ZCCHC7: variants seen among roughly 807,000 people sequenced by gnomAD.
ZCCHC7 encodes the protein zinc finger CCHC-type containing 7, also known as zinc finger CCHC domain-containing protein 7.
ZCCHC7 carries 35 observed loss-of-function variants against 52.0 expected under a neutral mutation model. That is an observed-to-expected ratio of 0.67 (90% CI 0.51 to 0.89). The LOEUF (loss-of-function observed/expected upper bound fraction) is 0.89, where lower values mean the gene tolerates loss of function less well. Among genes scored for constraint, ZCCHC7 ranks in the 40% least tolerant of loss-of-function variants. The pLI is 0.00. For missense variants in ZCCHC7, 574 were observed against 649.1 expected (o/e 0.88, Z 1.26); for synonymous variants, 217 against 221.5 (o/e 0.98, Z 0.18).
intron 2 of ZCCHC7, among the ~76,000 whole-genome samples, chr9:37,234,900 C>G (rs1053371226): frequency 9.9e-5 from 15 of 152,078 alleles, no homozygotes; most frequent in Non-Finnish European, 1.5e-4. Flanking sequence ...GTCATTTAAT[C>G]TTTTCTCAAG....
intron 2 of ZCCHC7, among the ~76,000 whole-genome samples, chr9:37,226,368 A>G (rs1252578920): frequency 1.3e-5 from 2 of 152,196 alleles, no homozygotes; most frequent in Non-Finnish European, 2.9e-5. Context: ...AGATGTATCT[A>G]TTTATTCAGT....
intron 2 of ZCCHC7, among the ~76,000 whole-genome samples, chr9:37,242,385 A>G (rs1340963536): frequency 6.6e-6 from 1 of 151,780 alleles, no homozygotes; most frequent in African/African-American, 2.4e-5. Flanking sequence ...AAATGGATCC[A>G]TGGAGTTTTG....
intron 2 of ZCCHC7, among the ~76,000 whole-genome samples, chr9:37,138,698 T>C (rs1011393319): frequency 2.0e-5 from 3 of 150,988 alleles, no homozygotes; most frequent in Admixed American, 6.6e-5. Flanking sequence ...TACAGGTTTG[T>C]ATTTTTTTTT....
intron 5 of ZCCHC7, among the ~76,000 whole-genome samples, chr9:37,309,636 TC>T (rs1829499082): frequency 6.6e-6 from 1 of 152,050 alleles, no homozygotes; most frequent in Non-Finnish European, 1.5e-5. Flanking sequence ...TTGAGAAACT[TC>T]CAAGGCTGGG....
At chr9:37,124,494 T>G (rs1842457437) in intron 1 of ZCCHC7, among the ~76,000 whole-genome samples, 1 of 152,102 alleles carries the variant, frequency 6.6e-6, no homozygotes, top group African/African-American at 2.4e-5. Context: ...GTTACCCTGT[T>G]TGGCTTTGGT....
intron 2 of ZCCHC7, among the ~76,000 whole-genome samples, chr9:37,252,110 G>T (rs950377642): frequency 6.6e-6 from 1 of 151,862 alleles, no homozygotes; most frequent in African/African-American, 2.4e-5. Context: ...AAATTTTTGT[G>T]AATAAATTGG....
chr9:37,354,869 T>C lies in ZCCHC7; in HGVS notation c.1198+45T>C, dbSNP rs1312645899. The stretch of plus-strand genomic sequence containing the variant: ...GTTAGATCACATTTGCAGTAGTTTC[T>C]AAATTTCTTTGTTTGTACTGTCTTT... On this transcript the variant is annotated intron_variant, in intron 8 of 8. Transcript: ENST00000336755. This position sits in a 1 kb window ranked among gnomAD's most constrained non-coding sequence, Gnocchi z 4.0. 7.5e-7 allele frequency: 1 copy of C among 1,340,122 alleles called. No individual in the cohort carries two copies. Among genetic ancestry groups the C allele is most frequent in the South Asian group, 1.2e-5 (1 of 81,532 alleles). The allele number at this position is 1,340,122 out of a possible 1,614,324, so 83.0% of individuals were successfully genotyped here. A position where few individuals can be genotyped will look rare whatever the true frequency, so the allele number is the denominator to read the frequency against.
chr9:37,211,464 T>C (rs1031240278), intron 2 of ZCCHC7, among the ~76,000 whole-genome samples: 1 of 152,208 alleles, frequency 6.6e-6, no homozygotes, highest in Non-Finnish European at 1.5e-5. Flanking sequence ...ATCTTTATCA[T>C]CAAATACTGA....
chr9:37,209,592 A>G (rs1032523606), intron 2 of ZCCHC7, among the ~76,000 whole-genome samples: 6 of 152,114 alleles, frequency 3.9e-5, no homozygotes, highest in African/African-American at 1.4e-4. Flanking sequence ...GTGTGTATAT[A>G]TGTATTTAAT....
intron 6 of ZCCHC7, among the ~76,000 whole-genome samples, chr9:37,344,115 C>G (rs1480769525): frequency 6.6e-6 from 1 of 152,166 alleles, no homozygotes; most frequent in African/African-American, 2.4e-5. Flanking sequence ...GAGTTCGAGA[C>G]CAGCCTCAGC....
intron 2 of ZCCHC7, among the ~76,000 whole-genome samples, chr9:37,199,738 C>T (rs1823521688): frequency 6.7e-6 from 1 of 149,004 alleles, no homozygotes; most frequent in African/African-American, 2.5e-5. Context: ...CTCCTTTTCT[C>T]TCTGTTGTCC....
intron 2 of ZCCHC7, among the ~76,000 whole-genome samples, chr9:37,277,012 C>T (rs1827714758): frequency 6.6e-6 from 1 of 152,126 alleles, no homozygotes; most frequent in East Asian, 1.9e-4. Context: ...ACATTTAGTG[C>T]CTATTGATGA....
intron 2 of ZCCHC7, among the ~76,000 whole-genome samples, chr9:37,152,417 T>G (rs1364507179): frequency 6.6e-6 from 1 of 152,206 alleles, no homozygotes; most frequent in Non-Finnish European, 1.5e-5. Flanking sequence ...GTCCATACAT[T>G]ATTCAGATTT....
intron 2 of ZCCHC7, among the ~76,000 whole-genome samples, chr9:37,233,456 AC>A (rs775592833): frequency 2.0e-5 from 3 of 152,312 alleles, no homozygotes; most frequent in Admixed American, 6.5e-5. Context: ...TGGACTTCTT[AC>A]TGAGAGCACT....
intron 2 of ZCCHC7, among the ~76,000 whole-genome samples, chr9:37,226,022 T>C (rs1182019339): frequency 6.6e-6 from 1 of 152,234 alleles, no homozygotes; most frequent in Non-Finnish European, 1.5e-5. Flanking sequence ...TTAGTTGCAG[T>C]TGACATAAAA....
chr9:37,198,920 A>G (rs1225264562), intron 2 of ZCCHC7, among the ~76,000 whole-genome samples: 1 of 152,194 alleles, frequency 6.6e-6, no homozygotes, highest in African/African-American at 2.4e-5. Flanking sequence ...TGTGTTTGTC[A>G]TATTTTCCTT....
intron 2 of ZCCHC7, among the ~76,000 whole-genome samples, chr9:37,165,724 T>G (rs1821380657): frequency 6.6e-6 from 1 of 152,232 alleles, no homozygotes; most frequent in African/African-American, 2.4e-5. Context: ...TCATGTAATT[T>G]CACATAAACA....
At chr9:37,309,297 C>T (rs989536935) in intron 5 of ZCCHC7, among the ~76,000 whole-genome samples, 1 of 152,058 alleles carries the variant, frequency 6.6e-6, no homozygotes, top group Non-Finnish European at 1.5e-5. Context: ...TCATTCTGGC[C>T]CCATGTTGTT....
At chr9:37,303,636 C>T (rs1829145739) in intron 3 of ZCCHC7, among the ~76,000 whole-genome samples, 1 of 125,996 alleles carries the variant, frequency 7.9e-6, no homozygotes. Context: ...ATGGCACCTC[C>T]TTTTATGTTT....
Sources: gnomAD v4.1 joint callset for allele counts (sites outside exome capture counted in the v4.1 genomes callset) on GRCh38, gnomAD v4.1.1 for gene constraint, Gnocchi (gnomAD v3.1) non-coding constraint, MANE v1.5 for transcripts, NCBI Gene and HGNC (gene_info 2026-07-23, HGNC 2026-07-21) for gene names.